DENND1B: variants seen among roughly 807,000 people sequenced by gnomAD.
DENND1B encodes the protein DENN domain-containing protein 1B.
A neutral mutation model predicts 90.1 loss-of-function variants in DENND1B; 59 were observed. The ratio of observed to expected loss-of-function variants is 0.65; its 90% confidence interval spans 0.53 to 0.81. The LOEUF is 0.81. Among genes scored for constraint, DENND1B ranks in the 40% least tolerant of loss-of-function variants. The pLI is 0.00. For synonymous variants in DENND1B, 337 were observed against 324.6 expected (o/e 1.04, Z -0.41); for missense variants, 862 against 912.6 (o/e 0.94, Z 0.71).
chr1:197,543,350 A>G (rs559506620), intron 18 of DENND1B, among the ~76,000 whole-genome samples: 4 of 152,188 alleles, frequency 2.6e-5, no homozygotes, highest in Non-Finnish European at 5.9e-5. Context: ...GGTTTTGAAC[A>G]TGTTTGCTTC....
chr1:197,667,373 C>A (rs1229596921), intron 5 of DENND1B, among the ~76,000 whole-genome samples: 4 of 152,176 alleles, frequency 2.6e-5, no homozygotes, highest in Admixed American at 6.5e-5. Flanking sequence ...CTCTTTAAAT[C>A]CCAATTTTCA....
In DENND1B at chr1:197,737,024, G is replaced by A. The variant is rs7527335; in HGVS notation, c.83-21950C>T. ...GAAAATCACTGAAGACTGACTAATTGCACATAAAAAAGCCTATTCTGAGTC... is the reference window on the plus strand; with the variant it reads ...GAAAATCACTGAAGACTGACTAATTACACATAAAAAAGCCTATTCTGAGTC... On this transcript the variant is annotated intron_variant, in intron 2 of 22. Coordinates refer to ENST00000620048, the MANE Select transcript of DENND1B (RefSeq NM_001195215.2). Among the ~76,000 whole-genome samples, 487 of 152,172 alleles carry A rather than the reference G, an allele frequency of 3.2e-3. 2 individuals are homozygous for A. Among genetic ancestry groups the A allele is most frequent in the Middle Eastern group, 0.01 (3 of 294 alleles).
intron 2 of DENND1B, among the ~76,000 whole-genome samples, chr1:197,748,037 G>A (rs1652930885): frequency 2.0e-5 from 3 of 152,146 alleles, no homozygotes; most frequent in Admixed American, 2.0e-4. Flanking sequence ...CAGCTTAGGA[G>A]TAAGGCTACT....
At chr1:197,546,585 G>A (rs4303099) in intron 17 of DENND1B, 148 bp downstream of exon 17, 594,415 of 738,376 alleles carry the variant, frequency 0.81, 239,963 homozygotes, top group South Asian at 0.86. Flanking sequence ...AACTATAAAC[G>A]TAAAATAAGA....
chr1:197,668,517 T>C (rs1403226935), intron 5 of DENND1B, among the ~76,000 whole-genome samples: 2 of 151,914 alleles, frequency 1.3e-5, no homozygotes, highest in Non-Finnish European at 2.9e-5. Flanking sequence ...AATTGACAGA[T>C]AAAATTCTAC....
intron 15 of DENND1B, among the ~76,000 whole-genome samples, chr1:197,568,838 C>T (rs557644781): frequency 2.8e-4 from 42 of 152,032 alleles, no homozygotes; most frequent in South Asian, 1.2e-3. Context: ...AAACATAAGA[C>T]CTGAAACCAT....
intron 2 of DENND1B, among the ~76,000 whole-genome samples, chr1:197,727,487 A>T (rs1398448217): frequency 6.6e-6 from 1 of 151,706 alleles, no homozygotes; most frequent in Non-Finnish European, 1.5e-5. Flanking sequence ...GTGAGCCAAG[A>T]TCGCGCCACT....
chr1:197,518,131 A>G (rs1336452529), intron 20 of DENND1B, among the ~76,000 whole-genome samples: 1 of 151,838 alleles, frequency 6.6e-6, no homozygotes, highest in Non-Finnish European at 1.5e-5. Flanking sequence ...TGTCATACAT[A>G]CTAGTTCCAG....
At chr1:197,769,988 T>C (rs115748699) in intron 2 of DENND1B, among the ~76,000 whole-genome samples, 39 of 152,278 alleles carry the variant, frequency 2.6e-4, no homozygotes, top group African/African-American at 9.1e-4. Context: ...CTTATAGTTA[T>C]TGATTTTATT....
chr1:197,674,201 A>C (rs753097584), intron 3 of DENND1B, 32 bp from the exon 4 acceptor site: 1 of 1,502,594 alleles, frequency 6.7e-7, no homozygotes, highest in Non-Finnish European at 9.1e-7. Context: ...AAAAGAAATA[A>C]GTTTTAGAAT....
Position 197,505,330 on chromosome 1 carries a change from T to C in DENND1B, c.*5130A>G, listed in dbSNP as rs1667679271. ...AAATTCTGCCTTGTCCTAAACATCATATAATCAACCAAAGTGTAGATTTGA... is the reference window on the plus strand; with the variant it reads ...AAATTCTGCCTTGTCCTAAACATCACATAATCAACCAAAGTGTAGATTTGA... On this transcript the variant is annotated 3_prime_UTR_variant, in exon 23 of 23. Coordinates refer to ENST00000620048, the MANE Select transcript of DENND1B (RefSeq NM_001195215.2). 3.3e-5 allele frequency: 5 copies of C among 151,754 alleles called. No homozygotes were observed. Among genetic ancestry groups the C allele is most frequent in the Admixed American group, 2.0e-4 (3 of 15,174 alleles). 9.4% of individuals were successfully genotyped at this position (151,754 alleles called of 1,614,324 possible).
chr1:197,625,157 C>G (rs922893337), intron 10 of DENND1B, among the ~76,000 whole-genome samples: 2 of 151,986 alleles, frequency 1.3e-5, no homozygotes, highest in African/African-American at 4.8e-5. Flanking sequence ...TCAGGAAATA[C>G]AGAGAACGCC....
At position 197,510,889 on chromosome 1, in the gene DENND1B, T is replaced by C. The variant is rs991311921; in HGVS notation, c.1899A>G (p.Gln633=). The C allele has an allele frequency of 1.1e-5, 17 of 1,605,534 alleles. No individual in the cohort carries two copies. In the African/African-American group the frequency reaches 1.1e-4, roughly 10 times the overall value. The change falls in exon 23 of 23, where the codon CAA becomes CAG. Residue 633 remains glutamine, a synonymous_variant. Coordinates refer to ENST00000620048, the MANE Select transcript of DENND1B (RefSeq NM_001195215.2). ...SGDQAEWNLG[Q]DDSALHGKHL... ...GTTTGCCATGGAGGGCACTATCGTC[T>C]TGCCCAAGATTCCACTCTGCTTGGT... is the stretch of plus-strand genomic sequence containing the variant.
At chr1:197,564,522 TTAA>T (rs67750421) in intron 15 of DENND1B, among the ~76,000 whole-genome samples, 81,140 of 150,962 alleles carry the variant, frequency 0.54, 22,296 homozygotes, top group East Asian at 0.66. Flanking sequence ...TATTGCACAC[TTAA>T]TAGACTATAG....
At chr1:197,592,781 T>A (rs182883501) in intron 14 of DENND1B, among the ~76,000 whole-genome samples, 33 of 152,288 alleles carry the variant, frequency 2.2e-4, no homozygotes, top group Non-Finnish European at 5.9e-5. Flanking sequence ...GATCTGTCAT[T>A]GGTCTAACCT....
intron 5 of DENND1B, among the ~76,000 whole-genome samples, chr1:197,659,039 A>G (rs904392527): frequency 1.3e-5 from 2 of 151,082 alleles, no homozygotes; most frequent in Non-Finnish European, 1.5e-5. Flanking sequence ...AAAATAGTAT[A>G]TTTTTTAATG....
At chr1:197,690,615 A>G (rs1657762360) in intron 3 of DENND1B, 2 of 245,210 alleles carry the variant, frequency 8.2e-6, no homozygotes, top group Non-Finnish European at 1.6e-5. Context: ...GTCTGCCTGG[A>G]AAGTTCAGGA....
intron 5 of DENND1B, among the ~76,000 whole-genome samples, chr1:197,662,409 T>G (rs1654496817): frequency 1.3e-5 from 2 of 152,042 alleles, no homozygotes; most frequent in Non-Finnish European, 2.9e-5. Context: ...CTTTGATACA[T>G]ACTTGACTAA....
intron 6 of DENND1B, among the ~76,000 whole-genome samples, chr1:197,656,256 G>T (rs1402932161): frequency 6.6e-6 from 1 of 151,930 alleles, no homozygotes; most frequent in East Asian, 1.9e-4. Context: ...AATTTTAGGT[G>T]TAGATGGACA....
Sources: gnomAD v4.1 joint callset for allele counts (sites outside exome capture counted in the v4.1 genomes callset) on GRCh38, gnomAD v4.1.1 for gene constraint, MANE v1.5 for transcripts, NCBI Gene and HGNC (gene_info 2026-07-23, HGNC 2026-07-21) for gene names.